MFSD6: variants seen among roughly 807,000 people sequenced by gnomAD.
MFSD6 encodes the protein major facilitator superfamily domain-containing protein 6.
MFSD6 carries 26 observed loss-of-function variants against 56.3 expected under a neutral mutation model. That is an observed-to-expected ratio of 0.46 (90% CI 0.34 to 0.64). The LOEUF (loss-of-function observed/expected upper bound fraction) is 0.64. Ranked by LOEUF, MFSD6 falls within the 30% of genes least tolerant of loss-of-function variation. MFSD6 has a pLI of 0.01. For missense variants in MFSD6, 750 were observed against 986.2 expected (o/e 0.76, Z 3.21); for synonymous variants, 331 against 366.9 (o/e 0.90, Z 1.12).
At chr2:190,483,244 A>G (rs1338554410) in intron 4 of MFSD6, among the ~76,000 whole-genome samples, 1 of 152,136 alleles carries the variant, frequency 6.6e-6, no homozygotes, top group Non-Finnish European at 1.5e-5. Flanking sequence ...TATTAACAAC[A>G]AAATCTCTCA....
Position 190,412,101 on chromosome 2 carries a change from C to T in MFSD6, c.-175-3191C>T. 1.0e-6 allele frequency: 1 copy of T among 984,100 alleles called. No homozygotes were observed. The highest frequency in any genetic ancestry group is 1.2e-6 in the Non-Finnish European group (1 of 828,806). 61.0% of individuals were successfully genotyped at this position (984,100 alleles called of 1,614,324 possible). On this transcript the variant is annotated intron_variant, in intron 1 of 7. Coordinates refer to ENST00000392328, the MANE Select transcript of MFSD6 (RefSeq NM_017694.4). The surrounding 1 kb of genome is among the most constrained non-coding windows in gnomAD (Gnocchi z 4.1). Reference sequence around the variant, plus strand: ...GTTAAACTAATCTGATGCATATGTACTTGTTAAATACAGTCCCATAGTTCT... The same window carrying T: ...GTTAAACTAATCTGATGCATATGTATTTGTTAAATACAGTCCCATAGTTCT...
intron 3 of MFSD6, among the ~76,000 whole-genome samples, chr2:190,453,664 G>C (rs991698583): frequency 2.6e-5 from 4 of 152,196 alleles, no homozygotes; most frequent in African/African-American, 9.7e-5. Context: ...AGATATCACT[G>C]ATATTCTTTT....
rs1369832809 is a variant in MFSD6 at position 190,487,686 on chromosome 2, A to G, written c.1631-971A>G. On this transcript the variant is annotated intron_variant, in intron 4 of 7. Coordinates refer to ENST00000392328, the MANE Select transcript of MFSD6 (RefSeq NM_017694.4). The surrounding 1 kb of genome is among the most constrained non-coding windows in gnomAD (Gnocchi z 5.5). ...CTAGCTATTAGGGGAAAGCAAATCA[A>G]CAACATGAGAAACTGCTTCACATTC... Among the ~76,000 whole-genome samples the G allele has an allele frequency of 1.3e-5, 2 of 152,238 alleles. No individual in the cohort carries two copies. Among genetic ancestry groups the G allele is most frequent in the Non-Finnish European group, 2.9e-5 (2 of 68,044 alleles).
Position 190,416,791 on chromosome 2 carries a change from G to A in MFSD6, c.-54+1378G>A, listed in dbSNP as rs1690793105. Among the ~76,000 whole-genome samples, 1 of 152,166 alleles carries A rather than the reference G, an allele frequency of 6.6e-6. No homozygotes were observed. Among genetic ancestry groups the A allele is most frequent in the Admixed American group, 6.5e-5 (1 of 15,282 alleles). ...TTTAAGCTCTAGAATCCTTCTGGGA[G>A]TTAATTGACTTAAGTTTGTATGGAA... On this transcript the variant is annotated intron_variant, in intron 2 of 7. Transcript: ENST00000392328. This position sits in a 1 kb window ranked among gnomAD's most constrained non-coding sequence, Gnocchi z 4.1.
At chr2:190,429,143 T>C (rs1335127849) in intron 2 of MFSD6, among the ~76,000 whole-genome samples, 1 of 152,070 alleles carries the variant, frequency 6.6e-6, no homozygotes, top group Non-Finnish European at 1.5e-5. Flanking sequence ...TTTTTCCTAT[T>C]GGGTTACCTG....
chr2:190,464,746 T>C (rs946593104), intron 3 of MFSD6: 4 of 179,442 alleles, frequency 2.2e-5, no homozygotes, highest in African/African-American at 9.5e-5. Flanking sequence ...TTAACTTATT[T>C]GTTTATGTGT....
chr2:190,497,897 G>A lies in MFSD6; in HGVS notation c.2172+178G>A. ...CTGAGTTAAAGAGGGTGTATACAAG[G>A]TCCCATAGAGAGAATATTCTGCCTT... is the stretch of plus-strand genomic sequence containing the variant. On this transcript the variant is annotated intron_variant, in intron 7 of 7. Coordinates refer to ENST00000392328, the MANE Select transcript of MFSD6 (RefSeq NM_017694.4). The surrounding 1 kb of genome is among the most constrained non-coding windows in gnomAD (Gnocchi z 5.2). 1 of 659,888 alleles carries A rather than the reference G, an allele frequency of 1.5e-6. No individual in the cohort carries two copies. Among genetic ancestry groups the A allele is most frequent in the Non-Finnish European group, 2.5e-6 (1 of 403,526 alleles). The allele number at this position is 659,888 out of a possible 1,614,324, so 40.9% of individuals were successfully genotyped here.
chr2:190,432,105 G>A (rs1312940762), intron 2 of MFSD6, among the ~76,000 whole-genome samples: 2 of 152,206 alleles, frequency 1.3e-5, no homozygotes, highest in Non-Finnish European at 2.9e-5. Flanking sequence ...TTTAGTGGAA[G>A]GTCTTGATAA....
In MFSD6 at chr2:190,501,345, C is replaced by G. The variant is rs1240853444; in HGVS notation, c.*1127C>G. 6.6e-6 allele frequency: 1 copy of G among 152,146 alleles called. No homozygotes were observed. Among genetic ancestry groups the G allele is most frequent in the Non-Finnish European group, 1.5e-5 (1 of 68,034 alleles). 9.4% of individuals were successfully genotyped at this position (152,146 alleles called of 1,614,324 possible). ...GAAAGAAAATCTCAGTATATTCGTTCTCATGAAGACACAGTCAGACACTGG... is the reference window on the plus strand; with the variant it reads ...GAAAGAAAATCTCAGTATATTCGTTGTCATGAAGACACAGTCAGACACTGG... On this transcript the variant is annotated 3_prime_UTR_variant, in exon 8 of 8. Transcript: ENST00000392328.
At position 190,454,712 on chromosome 2, in the gene MFSD6, T is replaced by G. The variant is rs2125096867; in HGVS notation, c.1533-15046T>G. Among the ~76,000 whole-genome samples the G allele has an allele frequency of 6.6e-6, 1 of 152,176 alleles. No homozygotes were observed. The highest frequency in any genetic ancestry group is 1.9e-4 in the East Asian group (1 of 5,180). On this transcript the variant is annotated intron_variant, in intron 3 of 7. Transcript: ENST00000392328. This position sits in a 1 kb window ranked among gnomAD's most constrained non-coding sequence, Gnocchi z 4.6. Reference sequence around the variant, plus strand: ...ATGTCTATTGCTTAACCCACCAGTTTATGGCATATTGTCATGGCAGCCCGA... The same window carrying G: ...ATGTCTATTGCTTAACCCACCAGTTGATGGCATATTGTCATGGCAGCCCGA...
chr2:190,457,101 G>A lies in MFSD6; in HGVS notation c.1533-12657G>A, dbSNP rs970933319. ...TCCGTTTCTTATGGTCCAATCCAGA[G>A]GTATTTCCTCAAGCCCTTGTCTAGG... On this transcript the variant is annotated intron_variant, in intron 3 of 7. Coordinates refer to ENST00000392328, the MANE Select transcript of MFSD6 (RefSeq NM_017694.4). The surrounding 1 kb of genome is among the most constrained non-coding windows in gnomAD (Gnocchi z 5.1). Among the ~76,000 whole-genome samples the A allele has an allele frequency of 6.6e-6, 1 of 152,202 alleles. No individual in the cohort carries two copies. Among genetic ancestry groups the A allele is most frequent in the African/African-American group, 2.4e-5 (1 of 41,456 alleles).
chr2:190,488,554 C>G lies in MFSD6; in HGVS notation c.1631-103C>G, dbSNP rs1689149752. 1 of 1,109,130 alleles carries G rather than the reference C, an allele frequency of 9.0e-7. No individual in the cohort carries two copies. The highest frequency in any genetic ancestry group is 1.2e-6 in the Non-Finnish European group (1 of 825,142). 68.7% of individuals were successfully genotyped at this position (1,109,130 alleles called of 1,614,324 possible). On this transcript the variant is annotated intron_variant, in intron 4 of 7. Transcript: ENST00000392328. The surrounding 1 kb of genome is among the most constrained non-coding windows in gnomAD (Gnocchi z 6.4). ...ATTTTTAATGTATGTTTTCCCACAA[C>G]AAATCTTAAAAATAGGTGCCTAGTT... is the stretch of plus-strand genomic sequence containing the variant.
chr2:190,437,580 T>C lies in MFSD6; in HGVS notation c.1532+19T>C, dbSNP rs377702122. On this transcript the variant is annotated intron_variant, in intron 3 of 7. Transcript: ENST00000392328. This position sits in a 1 kb window ranked among gnomAD's most constrained non-coding sequence, Gnocchi z 5.9. ...ACATCAGGTAAGAACATGCTTACGA[T>C]TGCTGCCCCTCAGCAATTGAACTTT... 25 of 1,600,186 alleles carry C rather than the reference T, an allele frequency of 1.6e-5. No homozygotes were observed. The highest frequency in any genetic ancestry group is 2.7e-5 in the African/African-American group (2 of 74,358).
chr2:190,496,043 A>G lies in MFSD6; in HGVS notation c.1892-1396A>G, dbSNP rs920836544. ...GCACAGCAAAAGGAACAGTCAGCAG[A>G]GTAAACAGACAACCCACAGAGTGGG... is the stretch of plus-strand genomic sequence containing the variant. On this transcript the variant is annotated intron_variant, in intron 6 of 7. Transcript: ENST00000392328. The surrounding 1 kb of genome is among the most constrained non-coding windows in gnomAD (Gnocchi z 4.7). Among the ~76,000 whole-genome samples the G allele has an allele frequency of 1.8e-4, 28 of 152,220 alleles. No homozygotes were observed. Among genetic ancestry groups the G allele is most frequent in the African/African-American group, 6.8e-4 (28 of 41,464 alleles).
chr2:190,500,246 A>G lies in MFSD6; in HGVS notation c.*28A>G, dbSNP rs769888840. The G allele has an allele frequency of 1.2e-6, 2 of 1,612,194 alleles. No individual in the cohort carries two copies. Among genetic ancestry groups the G allele is most frequent in the African/African-American group, 2.7e-5 (2 of 74,882 alleles). On this transcript the variant is annotated 3_prime_UTR_variant, in exon 8 of 8. Coordinates refer to ENST00000392328, the MANE Select transcript of MFSD6 (RefSeq NM_017694.4). The surrounding 1 kb of genome is among the most constrained non-coding windows in gnomAD (Gnocchi z 5.3). ...GCATCCTGCTCATCTCACACCCTGC[A>G]TGGAATCAGGCTCCTCAGCCAGGAC...
In MFSD6 at chr2:190,471,851, GACTGATA is replaced by G. The variant is rs922436857; in HGVS notation, c.1630+2000_1630+2006del. Among the ~76,000 whole-genome samples the G allele has an allele frequency of 4.6e-5, 7 of 152,332 alleles. No individual in the cohort carries two copies. The highest frequency in any genetic ancestry group is 3.9e-4 in the Admixed American group (6 of 15,302). On this transcript the variant is annotated intron_variant, in intron 4 of 7. Transcript: ENST00000392328. This position sits in a 1 kb window ranked among gnomAD's most constrained non-coding sequence, Gnocchi z 4.7. Reference sequence around the variant, plus strand: ...TGGGAGGCACCCCCCAGTAGGGGCAGACTGATAACTCATACGGCCGGGTACCCCTCTG... The same window carrying G: ...TGGGAGGCACCCCCCAGTAGGGGCAGACTCATACGGCCGGGTACCCCTCTG...
rs1686786999 is a variant in MFSD6 at position 190,451,955 on chromosome 2, T to C, written c.1532+14394T>C. Among the ~76,000 whole-genome samples, 1 of 152,246 alleles carries C rather than the reference T, an allele frequency of 6.6e-6. No individual in the cohort carries two copies. The highest frequency in any genetic ancestry group is 2.4e-5 in the African/African-American group (1 of 41,454). On this transcript the variant is annotated intron_variant, in intron 3 of 7. Transcript: ENST00000392328. This position sits in a 1 kb window ranked among gnomAD's most constrained non-coding sequence, Gnocchi z 5.0. ...CACCCTACTTTACAAAGGTCCATTT[T>C]TCTTCATTCTCTGAGTTTTAGAGAA...
rs139380282 is a variant in MFSD6 at position 190,433,990 on chromosome 2, A to G, written c.-53-1987A>G. ...AGGATCACTTGAGCCCAGGAGTTGG[A>G]GAACGGCCTGGGCAACATGGCAAAA... On this transcript the variant is annotated intron_variant, in intron 2 of 7. Transcript: ENST00000392328. This position sits in a 1 kb window ranked among gnomAD's most constrained non-coding sequence, Gnocchi z 4.5. Among the ~76,000 whole-genome samples the G allele has an allele frequency of 7.1e-3, 1,080 of 152,222 alleles. 2 individuals are homozygous for G. The highest frequency in any genetic ancestry group is 0.013 in the Non-Finnish European group (873 of 68,010).
At position 190,497,931 on chromosome 2, in the gene MFSD6, C is replaced by A; in HGVS notation, c.2172+212C>A. ...AGAGAATATTCTGCCTTATGGAGTT[C>A]AGGAAAACTTCAGAGGTTATGATTC... On this transcript the variant is annotated intron_variant, in intron 7 of 7. Coordinates refer to ENST00000392328, the MANE Select transcript of MFSD6 (RefSeq NM_017694.4). This position sits in a 1 kb window ranked among gnomAD's most constrained non-coding sequence, Gnocchi z 5.2. The A allele has an allele frequency of 2.2e-6, 1 of 456,734 alleles. No homozygotes were observed. Among genetic ancestry groups the A allele is most frequent in the Non-Finnish European group, 3.8e-6 (1 of 262,088 alleles). 28.3% of individuals were successfully genotyped at this position (456,734 alleles called of 1,614,324 possible).
Sources: gnomAD v4.1 joint callset for allele counts (sites outside exome capture counted in the v4.1 genomes callset) on GRCh38, gnomAD v4.1.1 for gene constraint, Gnocchi (gnomAD v3.1) non-coding constraint, MANE v1.5 for transcripts, NCBI Gene and HGNC (gene_info 2026-07-23, HGNC 2026-07-21) for gene names.